RORA: variants seen among roughly 807,000 people sequenced by gnomAD.
RORA encodes nuclear receptor ROR-alpha.
In RORA, 7 loss-of-function variants were observed where a neutral mutation model predicts 69.5. That is an observed-to-expected ratio of 0.10 (90% confidence interval 0.06 to 0.19). The LOEUF (loss-of-function observed/expected upper bound fraction) is 0.19. RORA is among the 10% of genes least tolerant of loss of function. The pLI, the probability that RORA is intolerant of heterozygous loss-of-function variation, is 1.00. For synonymous variants in RORA, 261 were observed against 240.8 expected (o/e 1.08, Z -0.78); for missense variants, 457 against 663.0 (o/e 0.69, Z 3.41).
At chr15:60,698,642 T>G (rs2070939982) in intron 1 of RORA, among the ~76,000 whole-genome samples, 1 of 151,322 alleles carries the variant, frequency 6.6e-6, no homozygotes, top group Non-Finnish European at 1.5e-5. Flanking sequence ...TTTTTTTTTT[T>G]TTTTTGGAAG....
At chr15:61,137,727 T>C (rs2079259004) in intron 1 of RORA, among the ~76,000 whole-genome samples, 1 of 152,208 alleles carries the variant, frequency 6.6e-6, no homozygotes, top group Non-Finnish European at 1.5e-5. Flanking sequence ...GAACAATCAA[T>C]TTGCATTACA....
chr15:60,713,232 T>G (rs996268864), intron 1 of RORA, among the ~76,000 whole-genome samples: 4 of 152,166 alleles, frequency 2.6e-5, no homozygotes, highest in African/African-American at 9.6e-5. Context: ...GGTGTCCGGC[T>G]AACCTGGGCG....
chr15:60,727,704 G>C (rs530436075), intron 1 of RORA, among the ~76,000 whole-genome samples: 1 of 152,266 alleles, frequency 6.6e-6, no homozygotes, highest in African/African-American at 2.4e-5. Flanking sequence ...AAAGTGAAAA[G>C]AATCTGTCCC....
intron 1 of RORA, among the ~76,000 whole-genome samples, chr15:60,737,478 G>A (rs918418416): frequency 3.3e-5 from 5 of 152,180 alleles, no homozygotes; most frequent in Non-Finnish European, 7.3e-5. Flanking sequence ...CTGGGAACTA[G>A]GTTAGAAATG....
In RORA at chr15:60,539,502, A is replaced by G. The variant is rs542876153; in HGVS notation, c.197-7651T>C. ...GGCTTTTTTAGATCCAGTTCTCTCT[A>G]GAATTCTCCTATCACATAGTAGTGC... On this transcript the variant is annotated intron_variant, in intron 2 of 10. Transcript: ENST00000335670. 2.6e-5 allele frequency among the ~76,000 whole-genome samples: 4 copies of G among 152,336 alleles called. No individual in the cohort carries two copies. In the South Asian group the frequency reaches 8.3e-4, roughly 32 times the overall value.
chr15:61,061,354 A>AAAATAAATAAATAAATAAAT lies in RORA; in HGVS notation c.166+167679_166+167698dup, dbSNP rs59914367. Among the ~76,000 whole-genome samples, 2 of 137,102 alleles carry AAAATAAATAAATAAATAAAT rather than the reference A, an allele frequency of 1.5e-5. No homozygotes were observed. The highest frequency in any genetic ancestry group is 2.7e-5 in the African/African-American group (1 of 36,956). 89.9% of individuals were successfully genotyped at this position (137,102 alleles called of 152,430 possible). A position where few individuals can be genotyped will look rare whatever the true frequency, so the allele number is the denominator to read the frequency against. ...GAGACAGAGCGAGGCTCTATCTTAA[A>AAAATAAATAAATAAATAAAT]AAATAAATAAATAAATAAATAAATA... On this transcript the variant is annotated intron_variant, in intron 1 of 10. Transcript: ENST00000335670. This position sits in a 1 kb window ranked among gnomAD's most constrained non-coding sequence, Gnocchi z 4.4.
At chr15:60,875,887 C>G (rs541683460) in intron 1 of RORA, among the ~76,000 whole-genome samples, 7 of 152,258 alleles carry the variant, frequency 4.6e-5, no homozygotes, top group African/African-American at 1.4e-4. Context: ...CTTTTTTCAC[C>G]TGATGGCAGG....
intron 1 of RORA, among the ~76,000 whole-genome samples, chr15:60,858,726 A>ACACACAC: frequency 1.4e-5 from 1 of 73,204 alleles, no homozygotes; most frequent in Non-Finnish European, 3.2e-5. Flanking sequence ...CACACACACA[A>ACACACAC]AAGCACAAAG....
intron 2 of RORA, among the ~76,000 whole-genome samples, chr15:60,647,103 G>C (rs1157575597): frequency 6.6e-6 from 1 of 152,130 alleles, no homozygotes. Context: ...TGTCATTCTT[G>C]CTTTTGTTCG....
At chr15:60,664,161 A>T (rs2070347774) in intron 2 of RORA, among the ~76,000 whole-genome samples, 1 of 152,166 alleles carries the variant, frequency 6.6e-6, no homozygotes, top group African/African-American at 2.4e-5. Flanking sequence ...AAATCACCCC[A>T]ATTATACACA....
intron 2 of RORA, chr15:60,678,350 C>G (rs2140747959): frequency 4.1e-6 from 1 of 241,082 alleles, no homozygotes; most frequent in Middle Eastern, 1.4e-3. Context: ...TAAGAAGGAT[C>G]TAGGATAAGG....
intron 1 of RORA, among the ~76,000 whole-genome samples, chr15:60,983,467 T>C (rs1220375982): frequency 6.6e-6 from 1 of 152,174 alleles, no homozygotes; most frequent in Non-Finnish European, 1.5e-5. Flanking sequence ...CCCTTTCTAG[T>C]TTTTTCCTGA....
At chr15:60,596,028 T>C (rs536786431) in intron 2 of RORA, among the ~76,000 whole-genome samples, 51 of 152,324 alleles carry the variant, frequency 3.3e-4, no homozygotes, top group African/African-American at 1.2e-3. Context: ...TAGACGGTAG[T>C]ATCACTAGTA....
chr15:60,780,401 G>A (rs1280621821), intron 1 of RORA, among the ~76,000 whole-genome samples: 2 of 152,278 alleles, frequency 1.3e-5, no homozygotes, highest in South Asian at 4.2e-4. Flanking sequence ...GTGAACATCC[G>A]CATGTAAGAT....
intron 2 of RORA, among the ~76,000 whole-genome samples, chr15:60,589,207 G>T (rs143640917): frequency 7.9e-5 from 12 of 152,282 alleles, no homozygotes; most frequent in African/African-American, 2.6e-4. Context: ...ATTTCATTTC[G>T]TAGAAAGAAA....
chr15:60,878,306 T>A (rs1301971832), intron 1 of RORA, among the ~76,000 whole-genome samples: 1 of 135,154 alleles, frequency 7.4e-6, no homozygotes, highest in African/African-American at 2.9e-5. Flanking sequence ...ATCGCGGCAT[T>A]GCACTCCAGC....
At chr15:60,754,937 T>C (rs2071775732) in intron 1 of RORA, among the ~76,000 whole-genome samples, 1 of 151,830 alleles carries the variant, frequency 6.6e-6, no homozygotes, top group Admixed American at 6.6e-5. Context: ...ATCTCTCTTA[T>C]TATCCCCGTA....
chr15:60,883,130 C>CAA (rs60074751), intron 1 of RORA, among the ~76,000 whole-genome samples: 731 of 43,084 alleles, frequency 0.017, 23 homozygotes, highest in South Asian at 0.039. Flanking sequence ...GACATCGTCT[C>CAA]AAAAAAAAAA....
At chr15:60,860,452 G>A (rs901488356) in intron 1 of RORA, among the ~76,000 whole-genome samples, 2 of 152,200 alleles carry the variant, frequency 1.3e-5, no homozygotes, top group African/African-American at 4.8e-5. Context: ...TGAGAATGAA[G>A]TGTATTTGAC....
Sources: allele counts gnomAD v4.1 joint callset (sites outside exome capture counted in the v4.1 genomes callset), GRCh38; gene constraint gnomAD v4.1.1; non-coding constraint Gnocchi (gnomAD v3.1); transcripts MANE v1.5; gene names NCBI Gene and HGNC (gene_info 2026-07-23, HGNC 2026-07-21).